The following BMERB1 variants were observed in gnomAD, a reference collection of about 807,000 sequenced individuals.
BMERB1 encodes the protein bMERB domain-containing protein 1.
A neutral mutation model predicts 23.6 loss-of-function variants in BMERB1; 12 were observed. The ratio of observed to expected loss-of-function variants is 0.51; its 90% CI spans 0.33 to 0.82. BMERB1 has a LOEUF of 0.82. BMERB1 is among the 40% of genes least tolerant of loss of function. The pLI is 0.03. For synonymous variants in BMERB1, 122 were observed against 96.6 expected (o/e 1.26, Z -1.54); for missense variants, 247 against 255.4 (o/e 0.97, Z 0.22).
At chr16:15,509,328 A>AGG (rs60458642) in intron 1 of BMERB1, among the ~76,000 whole-genome samples, 6 of 56,680 alleles carry the variant, frequency 1.1e-4, no homozygotes, top group South Asian at 7.1e-4. Flanking sequence ...GTGGAGTGGA[A>AGG]GGGGGGTGGG....
chr16:15,575,760 C>T (rs371102274), intron 3 of BMERB1, among the ~76,000 whole-genome samples: 11 of 152,202 alleles, frequency 7.2e-5, no homozygotes, highest in African/African-American at 2.6e-4. Flanking sequence ...ACTTGGTGTA[C>T]ACCCTATGTA....
chr16:15,507,569 GA>G (rs889053230), intron 1 of BMERB1, among the ~76,000 whole-genome samples: 2 of 152,146 alleles, frequency 1.3e-5, no homozygotes, highest in African/African-American at 4.8e-5. Context: ...GTGCGTGAGA[GA>G]CTTGTTGTCT....
intron 1 of BMERB1, among the ~76,000 whole-genome samples, chr16:15,499,912 G>A (rs1444991029): frequency 6.6e-6 from 1 of 152,100 alleles, no homozygotes; most frequent in Non-Finnish European, 1.5e-5. Flanking sequence ...AGGGATGAGG[G>A]TACAGGAAAA....
At chr16:15,536,459 C>T (rs925561223) in intron 2 of BMERB1, 1 of 152,380 alleles carries the variant, frequency 6.6e-6, no homozygotes, top group Non-Finnish European at 1.5e-5. Flanking sequence ...CTTCCCAGAC[C>T]GCCATCTCCC....
intron 2 of BMERB1, among the ~76,000 whole-genome samples, chr16:15,558,176 G>A (rs1410295949): frequency 2.0e-5 from 3 of 152,086 alleles, no homozygotes; most frequent in African/African-American, 7.2e-5. Context: ...TAGCGAACCT[G>A]TCCCCTTCTG....
intron 5 of BMERB1, chr16:15,584,165 A>G (rs975872531): frequency 1.6e-6 from 1 of 638,994 alleles, no homozygotes; most frequent in Non-Finnish European, 2.8e-6. Flanking sequence ...TATTAAAGTG[A>G]TGATGGATCC....
chr16:15,519,237 C>T (rs985064816), intron 2 of BMERB1, among the ~76,000 whole-genome samples: 2 of 152,144 alleles, frequency 1.3e-5, no homozygotes, highest in South Asian at 2.1e-4. Flanking sequence ...TCCCGGTGGC[C>T]GTAGTGTAAT....
At chr16:15,511,857 C>T (rs1187416710) in intron 1 of BMERB1, among the ~76,000 whole-genome samples, 1 of 151,670 alleles carries the variant, frequency 6.6e-6, no homozygotes, top group African/African-American at 2.4e-5. Flanking sequence ...ACTAAAAATA[C>T]AAAAAATTAG....
chr16:15,519,074 T>TACACACACACACACACAC (rs145892599), intron 2 of BMERB1, among the ~76,000 whole-genome samples: 48 of 140,508 alleles, frequency 3.4e-4, no homozygotes, highest in East Asian at 4.2e-4. Context: ...ACAATCCTCT[T>TACACACACACACACACAC]ACACACACAC....
At chr16:15,526,650 C>G (rs181105407) in intron 2 of BMERB1, among the ~76,000 whole-genome samples, 33 of 122,330 alleles carry the variant, frequency 2.7e-4, no homozygotes, top group Non-Finnish European at 2.7e-4. Context: ...GGCAACAGAG[C>G]GAGACTGCAT....
chr16:15,465,836 C>A (rs1266534710), intron 1 of BMERB1, among the ~76,000 whole-genome samples: 1 of 152,152 alleles, frequency 6.6e-6, no homozygotes, highest in East Asian at 1.9e-4. Flanking sequence ...TCTGTGATAT[C>A]CTGTTATACA....
At chr16:15,482,052 C>A (rs1241270752) in intron 1 of BMERB1, among the ~76,000 whole-genome samples, 1 of 152,020 alleles carries the variant, frequency 6.6e-6, no homozygotes, top group Non-Finnish European at 1.5e-5. Flanking sequence ...TCTAAATAAT[C>A]ATCAGGACCA....
At chr16:15,524,210 T>A (rs1223763074) in intron 2 of BMERB1, among the ~76,000 whole-genome samples, 1 of 152,130 alleles carries the variant, frequency 6.6e-6, no homozygotes, top group African/African-American at 2.4e-5. Context: ...CAGGTCACCA[T>A]TGCCGGGGCC....
chr16:15,515,250 G>A, intron 1 of BMERB1, 55 bp from the exon 2 acceptor site: 2 of 1,610,026 alleles, frequency 1.2e-6, no homozygotes, highest in Non-Finnish European at 1.7e-6. Context: ...GTCAGGGTCT[G>A]TCCCATGGTG....
At chr16:15,461,439 C>T (rs1038615647) in intron 1 of BMERB1, among the ~76,000 whole-genome samples, 3 of 152,242 alleles carry the variant, frequency 2.0e-5, no homozygotes, top group Middle Eastern at 3.4e-3. Context: ...CCTTCTCACA[C>T]GCCCTCCACT....
intron 1 of BMERB1, among the ~76,000 whole-genome samples, chr16:15,473,139 C>T (rs1336381865): frequency 5.3e-5 from 8 of 150,794 alleles, no homozygotes; most frequent in African/African-American, 1.5e-4. Context: ...GGATTACAGG[C>T]GTGAGCCACT....
At chr16:15,444,722 A>C (rs1034725990) in intron 1 of BMERB1, among the ~76,000 whole-genome samples, 1 of 152,050 alleles carries the variant, frequency 6.6e-6, no homozygotes, top group Non-Finnish European at 1.5e-5. Flanking sequence ...TTTCTAGTTT[A>C]TTGGTTATAA....
intron 1 of BMERB1, among the ~76,000 whole-genome samples, chr16:15,470,209 C>A (rs1598456467): frequency 6.6e-6 from 1 of 152,204 alleles, no homozygotes; most frequent in South Asian, 2.1e-4. Context: ...TTGTCAAATG[C>A]TTTTTCTGCA....
intron 1 of BMERB1, among the ~76,000 whole-genome samples, chr16:15,437,906 C>T (rs201908727): frequency 2.7e-5 from 4 of 150,410 alleles, no homozygotes; most frequent in Non-Finnish European, 4.4e-5. Flanking sequence ...TGCAGTGAGC[C>T]GAGATTGCAC....
Sources: allele counts gnomAD v4.1 joint callset (sites outside exome capture counted in the v4.1 genomes callset), GRCh38; gene constraint gnomAD v4.1.1; transcripts MANE v1.5; gene names NCBI Gene and HGNC (gene_info 2026-07-23, HGNC 2026-07-21).